The following CLIP2 variants were observed in gnomAD, a reference collection of about 807,000 sequenced individuals.
The protein encoded by CLIP2 is CAP-Gly domain-containing linker protein 2.
A neutral mutation model predicts 111.7 loss-of-function variants in CLIP2; 41 were observed. The ratio of observed to expected loss-of-function variants is 0.37; its 90% CI spans 0.29 to 0.48. The LOEUF (loss-of-function observed/expected upper bound fraction) is 0.48. Ranked by LOEUF, CLIP2 falls within the 20% of genes least tolerant of loss-of-function variation. The pLI, the probability that CLIP2 is intolerant of heterozygous loss-of-function variation, is 0.99. For synonymous variants in CLIP2, 660 were observed against 644.2 expected (o/e 1.02, Z -0.37); for missense variants, 1,160 against 1,422.1 (o/e 0.82, Z 2.96).
rs556596624 is a variant in CLIP2 at position 74,357,327 on chromosome 7, G to A, written c.1065G>A (p.Thr355=). 7.1e-5 allele frequency: 114 copies of A among 1,614,148 alleles called. No individual in the cohort carries two copies. Among genetic ancestry groups the A allele is most frequent in the Admixed American group, 6.3e-4 (38 of 60,012 alleles). Residue 355 remains threonine (T), a synonymous_variant, in exon 6 of 17, where the codon ACG becomes ACA. Transcript: ENST00000223398. ...ACGCCCGCAAGATCTCGGGCACCAC[G>A]GCCTTGCAGGAGGCACTGAAGGAGA... is the stretch of plus-strand genomic sequence containing the variant. ...SRYARKISGT[T]ALQEALKEKQ...
At chr7:74,363,019 C>T (rs1342466308) in intron 7 of CLIP2, among the ~76,000 whole-genome samples, 2 of 151,116 alleles carry the variant, frequency 1.3e-5, no homozygotes, top group Admixed American at 1.3e-4. Context: ...TTTTTTTTCC[C>T]CCAAGATGGA....
Position 74,338,904 on chromosome 7 carries a change from A to G in CLIP2, c.578A>G (p.Asn193Ser), listed in dbSNP as rs782755384. The change falls in exon 3 of 17, where the codon AAC becomes AGC. Residue 193 changes from asparagine (N) to serine (S), a missense_variant. Physicochemically the swap from Asn to Ser is conservative, Grantham distance 46. Around this residue, in one of 5 missense-constraint regions of CLIP2, gnomAD observed 301 missense variants for 315.2 expected, o/e 0.96. Transcript: ENST00000223398. This position sits in a 1 kb window ranked among gnomAD's most constrained non-coding sequence, Gnocchi z 4.3. ...ATCCCCCTGCGGGAGAGCGTCCTCA[A>G]CAGCTCCGTGAAGACTGGCAACGAG... ...RVIPLRESVL[N>S]SSVKTGNESG... The G allele has an allele frequency of 6.2e-7, 1 of 1,604,288 alleles. No homozygotes were observed. Among genetic ancestry groups the G allele is most frequent in the Non-Finnish European group, 8.5e-7 (1 of 1,179,862 alleles).
intron 1 of CLIP2, among the ~76,000 whole-genome samples, chr7:74,294,298 T>C (rs1175437869): frequency 6.6e-6 from 1 of 152,188 alleles, no homozygotes; most frequent in Non-Finnish European, 1.5e-5. Context: ...GAACCAGTAA[T>C]ACAAAACTCA....
chr7:74,299,300 G>A (rs946143977), intron 1 of CLIP2, among the ~76,000 whole-genome samples: 14 of 151,790 alleles, frequency 9.2e-5, no homozygotes, highest in Admixed American at 5.3e-4. Flanking sequence ...ATTCTAGCCT[G>A]GGCAACACAG....
intron 3 of CLIP2, among the ~76,000 whole-genome samples, chr7:74,347,582 C>T (rs1330911017): frequency 1.3e-5 from 2 of 152,144 alleles, no homozygotes; most frequent in Non-Finnish European, 2.9e-5. Flanking sequence ...GCGCTGTACT[C>T]TAAGTCCCCC....
chr7:74,324,031 G>A (rs965906254), intron 2 of CLIP2, among the ~76,000 whole-genome samples: 2 of 151,592 alleles, frequency 1.3e-5, no homozygotes, highest in African/African-American at 4.8e-5. Flanking sequence ...ATGGAATCTC[G>A]CTCTTTCGCC....
intron 2 of CLIP2, among the ~76,000 whole-genome samples, chr7:74,331,332 G>A (rs1416322927): frequency 6.6e-6 from 1 of 151,114 alleles, no homozygotes; most frequent in Non-Finnish European, 1.5e-5. Flanking sequence ...TGAGCCAGTA[G>A]AGCAATGGCG....
chr7:74,379,926 A>G (rs1430419267), intron 10 of CLIP2: 2 of 152,218 alleles, frequency 1.3e-5, no homozygotes, highest in Non-Finnish European at 2.9e-5. Context: ...TAGCCTGGAT[A>G]TCAGGGCGAG....
At chr7:74,303,281 G>A (rs1485516271) in intron 1 of CLIP2, among the ~76,000 whole-genome samples, 1 of 152,192 alleles carries the variant, frequency 6.6e-6, no homozygotes, top group Non-Finnish European at 1.5e-5. Flanking sequence ...AAACAAAGCT[G>A]TGTGGGATGG....
Position 74,400,563 on chromosome 7 carries a change from G to A in CLIP2, c.3066+8G>A, listed in dbSNP as rs368200067. 117 of 1,537,724 alleles carry A rather than the reference G, an allele frequency of 7.6e-5. 1 individual carries two copies. Among genetic ancestry groups the A allele is most frequent in the Middle Eastern group, 1.8e-4 (1 of 5,608 alleles). ...TGCCCTGACAAGGCCCAGGTGAGCC[G>A]CGGCTGACAGGGCCCACCAGGAGGC... On this transcript the variant is annotated splice_region_variant and intron_variant, in intron 15 of 16. Transcript: ENST00000223398.
intron 1 of CLIP2, among the ~76,000 whole-genome samples, chr7:74,299,925 G>T (rs540891632): frequency 6.6e-6 from 1 of 151,978 alleles, no homozygotes; most frequent in Non-Finnish European, 1.5e-5. Flanking sequence ...TCGAACTCCT[G>T]ATCTCAGGTG....
At chr7:74,317,746 A>G in intron 2 of CLIP2, 79 bp downstream of exon 2, 1 of 1,342,288 alleles carries the variant, frequency 7.4e-7, no homozygotes, top group South Asian at 2.2e-5. Flanking sequence ...CCCCAGGAGC[A>G]CAGGCCACTC....
intron 3 of CLIP2, among the ~76,000 whole-genome samples, chr7:74,348,616 C>T (rs1368760577): frequency 1.3e-5 from 2 of 151,770 alleles, no homozygotes; most frequent in Non-Finnish European, 2.9e-5. Flanking sequence ...GGTGAAACCC[C>T]GTCTCTACTA....
chr7:74,365,804 G>C (rs1790460259), intron 8 of CLIP2, among the ~76,000 whole-genome samples: 2 of 152,082 alleles, frequency 1.3e-5, no homozygotes, highest in Admixed American at 1.3e-4. Flanking sequence ...GCCCAGGCTG[G>C]AGTACAGTGG....
chr7:74,366,784 G>A (rs1433786597), intron 8 of CLIP2, among the ~76,000 whole-genome samples: 1 of 150,746 alleles, frequency 6.6e-6, no homozygotes, highest in Non-Finnish European at 1.5e-5. Context: ...GCTGAGGCAG[G>A]AGAATCACTT....
intron 15 of CLIP2, among the ~76,000 whole-genome samples, chr7:74,400,828 C>G (rs1467770354): frequency 6.6e-6 from 1 of 150,828 alleles, no homozygotes; most frequent in Non-Finnish European, 1.5e-5. Context: ...AGCTCTGTCC[C>G]GGGAACCCCT....
At chr7:74,357,501 G>T (rs372822653) in intron 6 of CLIP2, 24 bp downstream of exon 6, 14 of 1,593,170 alleles carry the variant, frequency 8.8e-6, no homozygotes. Flanking sequence ...GGGGCTGGGG[G>T]CAGAGCTTCT....
chr7:74,349,468 GTGTATATATATATATATATATATA>G lies in CLIP2; in HGVS notation c.679-4410_679-4387del, dbSNP rs1371421599. Among the ~76,000 whole-genome samples the G allele has an allele frequency of 8.6e-3, 531 of 61,782 alleles. 9 individuals carry two copies. The highest frequency in any genetic ancestry group is 0.025 in the African/African-American group (460 of 18,310). The allele number at this position is 61,782 out of a possible 152,430, so 40.5% of individuals were successfully genotyped here. Reference sequence around the variant, plus strand: ...AAAAAGTATGTATGTGTGTGTGTGTGTGTATATATATATATATATATATATATATATATATATATATATGTAAAT... The same window carrying G: ...AAAAAGTATGTATGTGTGTGTGTGTGTATATATATATATATATATGTAAAT... On this transcript the variant is annotated intron_variant, in intron 3 of 16. Coordinates refer to ENST00000223398, the MANE Select transcript of CLIP2 (RefSeq NM_003388.5).
intron 3 of CLIP2, among the ~76,000 whole-genome samples, chr7:74,349,480 A>G (rs868993445): frequency 1.3e-4 from 15 of 112,500 alleles, no homozygotes; most frequent in South Asian, 5.9e-4. Context: ...GTATATATAT[A>G]TATATATATA....
Sources: gnomAD v4.1 joint callset for allele counts (sites outside exome capture counted in the v4.1 genomes callset) on GRCh38, gnomAD v4.1.1 for gene constraint, gnomAD v4.1.1 regional missense constraint, Gnocchi (gnomAD v3.1) non-coding constraint, MANE v1.5 for transcripts, NCBI Gene and HGNC (gene_info 2026-07-23, HGNC 2026-07-21) for gene names.